The following CDYL variants were observed in gnomAD, a reference collection of about 807,000 sequenced individuals.
CDYL encodes chromodomain Y-like protein.
CDYL carries 8 observed loss-of-function variants against 47.3 expected under a neutral mutation model. The ratio of observed to expected loss-of-function variants is 0.17; its 90% CI spans 0.10 to 0.31. The LOEUF is 0.31. CDYL is among the 10% of genes least tolerant of loss of function. The pLI is 1.00. For missense variants in CDYL, 471 were observed against 701.4 expected, an observed-to-expected ratio of 0.67 and a Z score of 3.71; for synonymous variants, 266 against 265.0, an observed-to-expected ratio of 1.00 and a Z score of -0.04.
At chr6:4,919,292 G>C (rs1757643721) in intron 2 of CDYL, among the ~76,000 whole-genome samples, 1 of 151,918 alleles carries the variant, frequency 6.6e-6, no homozygotes, top group Admixed American at 6.6e-5. Flanking sequence ...CTGGCATACA[G>C]CAGTTCCAGG....
intron 1 of CDYL, among the ~76,000 whole-genome samples, chr6:4,842,176 A>G (rs992853292): frequency 5.5e-5 from 8 of 144,538 alleles, no homozygotes; most frequent in Non-Finnish European, 7.5e-5. Flanking sequence ...TATATTATAT[A>G]ATAAATTATT....
chr6:4,952,126 C>T (rs562897474), intron 5 of CDYL, 140 bp from the exon 6 acceptor site: 13 of 868,198 alleles, frequency 1.5e-5, no homozygotes, highest in South Asian at 1.1e-4. Flanking sequence ...CTGTTCCCAG[C>T]GGCCCCTAGA....
At chr6:4,734,677 TG>T in intron 2 of CDYL, 2 of 1,552,818 alleles carry the variant, frequency 1.3e-6, no homozygotes, top group Non-Finnish European at 1.7e-6. Context: ...GATGGGAAGT[TG>T]GGGGATGGGG....
At chr6:4,895,089 A>G (rs1403139591) in intron 2 of CDYL, among the ~76,000 whole-genome samples, 5 of 151,452 alleles carry the variant, frequency 3.3e-5, no homozygotes, top group Admixed American at 1.3e-4. Context: ...ATGCACATAT[A>G]TGTACATGTG....
chr6:4,727,654 A>G (rs138257367), intron 2 of CDYL, among the ~76,000 whole-genome samples: 2 of 114,188 alleles, frequency 1.8e-5, no homozygotes, highest in East Asian at 6.2e-4. Context: ...TGCTGTGTTT[A>G]GCATAAGCCC....
intron 2 of CDYL, among the ~76,000 whole-genome samples, chr6:4,924,049 A>G (rs925247740): frequency 1.3e-5 from 2 of 152,302 alleles, no homozygotes; most frequent in Admixed American, 1.3e-4. Context: ...CTAATACAAC[A>G]TTATTGTGTG....
intron 5 of CDYL, among the ~76,000 whole-genome samples, chr6:4,948,119 A>T (rs1758585932): frequency 6.6e-6 from 1 of 152,212 alleles, no homozygotes; most frequent in Non-Finnish European, 1.5e-5. Context: ...CTGTCCCGGC[A>T]GGAAAGAATC....
chr6:4,828,255 T>C (rs1304346594), intron 1 of CDYL, among the ~76,000 whole-genome samples: 23 of 118,038 alleles, frequency 1.9e-4, no homozygotes, highest in African/African-American at 1.3e-3. Context: ...CTTTCAGCTT[T>C]TTTTTTTTTT....
At chr6:4,855,098 A>G (rs1760967213) in intron 1 of CDYL, among the ~76,000 whole-genome samples, 1 of 152,224 alleles carries the variant, frequency 6.6e-6, no homozygotes, top group Non-Finnish European at 1.5e-5. Context: ...TTTCCTGGAT[A>G]ATACGCTTAG....
chr6:4,823,364 C>G (rs1759892352), intron 1 of CDYL, among the ~76,000 whole-genome samples: 1 of 152,160 alleles, frequency 6.6e-6, no homozygotes, highest in Non-Finnish European at 1.5e-5. Flanking sequence ...GACTTTTGGT[C>G]TGTCACTGGT....
At chr6:4,845,443 G>C (rs146731102) in intron 1 of CDYL, among the ~76,000 whole-genome samples, 1 of 152,166 alleles carries the variant, frequency 6.6e-6, no homozygotes, top group Non-Finnish European at 1.5e-5. Flanking sequence ...TTTGTTCTTC[G>C]TTATTGTGTA....
intron 1 of CDYL, among the ~76,000 whole-genome samples, chr6:4,857,867 C>G (rs73348304): frequency 0.045 from 6,877 of 152,242 alleles, 531 homozygotes; most frequent in African/African-American, 0.16. Context: ...ATTAAGTCAG[C>G]TTTTGCCCAT....
chr6:4,808,185 G>A (rs1452211007), intron 1 of CDYL, among the ~76,000 whole-genome samples: 2 of 152,106 alleles, frequency 1.3e-5, no homozygotes, highest in Admixed American at 6.5e-5. Flanking sequence ...GCACATGCGG[G>A]GCAACACGTG....
At chr6:4,725,719 G>C (rs1410067493) in intron 2 of CDYL, among the ~76,000 whole-genome samples, 1 of 152,220 alleles carries the variant, frequency 6.6e-6, no homozygotes, top group African/African-American at 2.4e-5. Flanking sequence ...GAGGGAAGCA[G>C]CTCCAGCCTT....
rs191042579 is a variant in CDYL at position 4,800,962 on chromosome 6, T to G, written c.24+24155T>G. Among the ~76,000 whole-genome samples the G allele has an allele frequency of 1.8e-3, 270 of 152,356 alleles. 1 individual carries two copies. Among genetic ancestry groups the G allele is most frequent in the African/African-American group, 6.4e-3 (265 of 41,582 alleles). On this transcript the variant is annotated intron_variant, in intron 1 of 6. Coordinates refer to ENST00000397588, the MANE Select transcript of CDYL (RefSeq NM_004824.4). ...GGTTTATTGAGCTTTTGGGAGATAT[T>G]TCAGTTGTTGTGTCTTCAGATGTCT...
chr6:4,928,074 T>C (rs1393661689), intron 2 of CDYL, among the ~76,000 whole-genome samples: 1 of 152,222 alleles, frequency 6.6e-6, no homozygotes, highest in Non-Finnish European at 1.5e-5. Context: ...ATTTGTAATA[T>C]ACAACTAGTT....
chr6:4,725,940 A>G (rs1757504773), intron 2 of CDYL, among the ~76,000 whole-genome samples: 1 of 152,184 alleles, frequency 6.6e-6, no homozygotes, highest in African/African-American at 2.4e-5. Context: ...AAAACAAAAG[A>G]GCAAATTACC....
chr6:4,758,989 A>G (rs1758125932), intron 3 of CDYL, among the ~76,000 whole-genome samples: 1 of 127,350 alleles, frequency 7.9e-6, no homozygotes, highest in African/African-American at 3.2e-5. Flanking sequence ...TTTTTTTGAG[A>G]TGGAGTCTCG....
intron 1 of CDYL, among the ~76,000 whole-genome samples, chr6:4,812,716 A>G (rs191674253): frequency 7.0e-4 from 106 of 152,108 alleles, no homozygotes; most frequent in Non-Finnish European, 1.4e-3. Flanking sequence ...AAATTCTAGT[A>G]GGGATTTTTT....
Sources: gnomAD v4.1 joint callset for allele counts (sites outside exome capture counted in the v4.1 genomes callset) on GRCh38, gnomAD v4.1.1 for gene constraint, MANE v1.5 for transcripts, NCBI Gene and HGNC (gene_info 2026-07-23, HGNC 2026-07-21) for gene names.